ACTR3: variants seen among roughly 807,000 people sequenced by gnomAD.
ACTR3 encodes the protein actin-related protein 3.
A neutral mutation model predicts 56.8 loss-of-function variants in ACTR3; 12 were observed. The ratio of observed to expected loss-of-function variants is 0.21; its 90% confidence interval spans 0.14 to 0.34. The LOEUF (loss-of-function observed/expected upper bound fraction) is 0.34. Ranked by LOEUF, ACTR3 falls within the 10% of genes least tolerant of loss-of-function variation. The pLI is 1.00. For missense variants in ACTR3, 282 were observed against 512.5 expected (o/e 0.55, Z 4.34); for synonymous variants, 162 against 167.4 (o/e 0.97, Z 0.25).
intron 1 of ACTR3, among the ~76,000 whole-genome samples, chr2:113,909,211 A>G (rs1357632264): frequency 1.3e-4 from 20 of 152,112 alleles, no homozygotes; most frequent in Admixed American, 1.2e-3. Context: ...ATACAATTGG[A>G]TACTGTATGC....
At chr2:113,931,500 A>G (rs1196917214) in intron 5 of ACTR3, 104 bp downstream of exon 5, 2 of 600,190 alleles carry the variant, frequency 3.3e-6, no homozygotes, top group Admixed American at 3.5e-5. Flanking sequence ...AGGTTTAAAC[A>G]TAATGTCAAA....
At chr2:113,953,142 CA>C (rs766782950) in intron 10 of ACTR3, 1 of 152,074 alleles carries the variant, frequency 6.6e-6, no homozygotes, top group Non-Finnish European at 1.5e-5. Flanking sequence ...AAGTACAAAA[CA>C]ATGCTGTATG....
intron 3 of ACTR3, among the ~76,000 whole-genome samples, chr2:113,918,922 A>G (rs1679456578): frequency 6.6e-6 from 1 of 152,192 alleles, no homozygotes; most frequent in South Asian, 2.1e-4. Context: ...GGGGATAGAA[A>G]TGGAAATTGT....
chr2:113,958,094 C>T lies in ACTR3; in HGVS notation c.*639C>T, dbSNP rs1372809824. 2.0e-5 allele frequency: 3 copies of T among 152,468 alleles called. No homozygotes were observed. In the East Asian group the frequency reaches 5.8e-4, roughly 29 times the overall value. 9.4% of individuals were successfully genotyped at this position (152,468 alleles called of 1,614,324 possible). The stretch of plus-strand genomic sequence containing the variant: ...CCTGCTAGTGCTTTCTGATTACTCG[C>T]ATTCTGTTTCTTGCTTTAAAAGAAG... On this transcript the variant is annotated 3_prime_UTR_variant, in exon 12 of 12. Transcript: ENST00000263238.
intron 5 of ACTR3, among the ~76,000 whole-genome samples, chr2:113,932,756 GTA>G (rs145123685): frequency 6.6e-5 from 10 of 151,434 alleles, no homozygotes; most frequent in South Asian, 4.2e-4. Flanking sequence ...AGTCTAAACA[GTA>G]TATATATATA....
In ACTR3 at chr2:113,916,616, T is replaced by C. The variant is rs1490573565; in HGVS notation, c.101-268T>C. Among the ~76,000 whole-genome samples, 3 of 152,154 alleles carry C rather than the reference T, an allele frequency of 2.0e-5. No individual in the cohort carries two copies. In the East Asian group the frequency reaches 5.8e-4, roughly 29 times the overall value. ...GAATCAAAGGAGGATTTATATAATTTAAAAAATATATATTTGAAACTTTCC... is the reference window on the plus strand; with the variant it reads ...GAATCAAAGGAGGATTTATATAATTCAAAAAATATATATTTGAAACTTTCC... On this transcript the variant is annotated intron_variant, in intron 2 of 11. Transcript: ENST00000263238.
intron 1 of ACTR3, among the ~76,000 whole-genome samples, chr2:113,899,804 T>C (rs1679067177): frequency 6.6e-6 from 1 of 152,182 alleles, no homozygotes; most frequent in Admixed American, 6.5e-5. Context: ...ATTTTACTGA[T>C]AAAGGGAAGT....
Position 113,890,128 on chromosome 2 carries a change from C to T in ACTR3, c.-152C>T, listed in dbSNP as rs1349703726. The T allele has an allele frequency of 6.4e-6, 6 of 944,824 alleles. No homozygotes were observed. Among genetic ancestry groups the T allele is most frequent in the African/African-American group, 1.7e-5 (1 of 60,500 alleles). The allele number at this position is 944,824 out of a possible 1,614,324, so 58.5% of individuals were successfully genotyped here. A position where few individuals can be genotyped will look rare whatever the true frequency, so the allele number is the denominator to read the frequency against. ...AGCCGCCGACCGAGCCTGCTGCTTT[C>T]TTGCTACTGCTTCGGCTTCCCGGCT... is the stretch of plus-strand genomic sequence containing the variant. On this transcript the variant is annotated 5_prime_UTR_variant, in exon 1 of 12. Coordinates refer to ENST00000263238, the MANE Select transcript of ACTR3 (RefSeq NM_005721.5).
intron 1 of ACTR3, 118 bp downstream of exon 1, chr2:113,890,441 T>C: frequency 7.7e-7 from 1 of 1,300,128 alleles, no homozygotes; most frequent in Non-Finnish European, 1.0e-6. Flanking sequence ...CTGTCAGTCC[T>C]AGACCCGCCG....
intron 4 of ACTR3, among the ~76,000 whole-genome samples, chr2:113,928,722 A>G (rs560358549): frequency 6.6e-6 from 1 of 152,050 alleles, no homozygotes; most frequent in East Asian, 1.9e-4. Context: ...TTTTACCAAA[A>G]CAGGTGGTGG....
chr2:113,915,587 T>G (rs1679390063), intron 2 of ACTR3, among the ~76,000 whole-genome samples: 2 of 152,254 alleles, frequency 1.3e-5, no homozygotes, highest in Non-Finnish European at 2.9e-5. Flanking sequence ...GTTGTGATTG[T>G]ATATTTCAGG....
intron 1 of ACTR3, among the ~76,000 whole-genome samples, chr2:113,898,859 G>A (rs1679052820): frequency 6.6e-6 from 1 of 152,152 alleles, no homozygotes; most frequent in Admixed American, 6.5e-5. Context: ...CTTTTCAGAA[G>A]CCCTGTGAGG....
At chr2:113,939,793 CTTAG>C (rs1679892504) in intron 6 of ACTR3, among the ~76,000 whole-genome samples, 162 bp from the exon 7 acceptor site, 1 of 152,078 alleles carries the variant, frequency 6.6e-6, no homozygotes, top group Admixed American at 6.6e-5. Flanking sequence ...GCTGGCCATT[CTTAG>C]TTATAGTTTC....
At chr2:113,929,087 C>T (rs1325344915) in intron 4 of ACTR3, among the ~76,000 whole-genome samples, 1 of 151,330 alleles carries the variant, frequency 6.6e-6, no homozygotes, top group Non-Finnish European at 1.5e-5. Flanking sequence ...AAATTTGCCT[C>T]ACTTTATCCA....
intron 3 of ACTR3, among the ~76,000 whole-genome samples, chr2:113,925,524 G>A (rs555035222): frequency 6.0e-4 from 91 of 152,300 alleles, no homozygotes; most frequent in African/African-American, 2.1e-3. Flanking sequence ...AAAACCTGTA[G>A]TGTAATATTT....
At chr2:113,916,201 A>G (rs920196157) in intron 2 of ACTR3, among the ~76,000 whole-genome samples, 1 of 152,202 alleles carries the variant, frequency 6.6e-6, no homozygotes, top group African/African-American at 2.4e-5. Flanking sequence ...GCATTCAGAC[A>G]ATTATTTTGA....
At chr2:113,925,714 C>T (rs1465657487) in intron 3 of ACTR3, among the ~76,000 whole-genome samples, 1 of 152,102 alleles carries the variant, frequency 6.6e-6, no homozygotes, top group African/African-American at 2.4e-5. Flanking sequence ...AAGTAAACTG[C>T]AATTTTTTCC....
intron 8 of ACTR3, 100 bp downstream of exon 8, chr2:113,942,459 TA>T (rs1282376862): frequency 3.9e-5 from 29 of 748,512 alleles, no homozygotes; most frequent in Admixed American, 1.1e-4. Context: ...ATTAGTACAC[TA>T]AAAGTTTGAG....
intron 1 of ACTR3, among the ~76,000 whole-genome samples, chr2:113,912,766 C>T (rs1479292113): frequency 6.6e-6 from 1 of 152,136 alleles, no homozygotes; most frequent in Non-Finnish European, 1.5e-5. Flanking sequence ...GGAATTGTTT[C>T]CTATCACTAT....
Sources: allele counts gnomAD v4.1 joint callset (sites outside exome capture counted in the v4.1 genomes callset), GRCh38; gene constraint gnomAD v4.1.1; transcripts MANE v1.5; gene names NCBI Gene and HGNC (gene_info 2026-07-23, HGNC 2026-07-21).